The following TBC1D8B variants were observed in gnomAD, a reference collection of about 807,000 sequenced individuals.
TBC1D8B encodes the protein TBC1 domain family member 8B, also known as RP11-321G1.1.
A neutral mutation model predicts 82.9 loss-of-function variants in TBC1D8B; 75 were observed. That is an observed-to-expected ratio of 0.90 (90% CI 0.75 to 1.10). The LOEUF (loss-of-function observed/expected upper bound fraction) is 1.10, where lower values mean the gene tolerates loss of function less well. Ranked by LOEUF, TBC1D8B falls within the 50% of genes least tolerant of loss-of-function variation. The pLI, the probability that TBC1D8B is intolerant of heterozygous loss-of-function variation, is 0.00. For synonymous variants in TBC1D8B, 276 were observed against 276.8 expected (o/e 1.00, Z 0.03); for missense variants, 794 against 796.9 (o/e 1.00, Z 0.04).
chrX:106,853,177 T>C (rs958424704), intron 12 of TBC1D8B, among the ~76,000 whole-genome samples: 51 of 111,370 alleles, frequency 4.6e-4, no homozygotes, highest in Non-Finnish European at 9.4e-4. Context: ...TTTTATTCTC[T>C]TTGAAGCAAT....
At chrX:106,840,012 C>A in intron 8 of TBC1D8B, 36 bp from the exon 9 acceptor site, 1 of 1,148,517 alleles carries the variant, frequency 8.7e-7, no homozygotes. Context: ...TAATTTCTCA[C>A]TAAATTTAGT....
chrX:106,804,258 C>T (rs1296336565), intron 1 of TBC1D8B, among the ~76,000 whole-genome samples: 4 of 111,368 alleles, frequency 3.6e-5, no homozygotes, highest in African/African-American at 9.8e-5. Flanking sequence ...CAATGTATGT[C>T]GTCAAGATGG....
chrX:106,842,658 G>C (rs920815134), intron 10 of TBC1D8B, among the ~76,000 whole-genome samples: 1 of 106,733 alleles, frequency 9.4e-6, no homozygotes, highest in Non-Finnish European at 1.9e-5. Context: ...TATCTATTCT[G>C]TCTCTCTAAT....
intron 14 of TBC1D8B, 106 bp from the exon 15 acceptor site, chrX:106,865,453 A>G: frequency 2.2e-6 from 1 of 463,390 alleles, no homozygotes; most frequent in Non-Finnish European, 3.4e-6. Flanking sequence ...AAGTTAAAAC[A>G]CAAATATTTT....
chrX:106,835,962 A>T, intron 7 of TBC1D8B, among the ~76,000 whole-genome samples: 1 of 111,567 alleles, frequency 9.0e-6, no homozygotes, highest in East Asian at 2.8e-4. Context: ...AGACCTCCAA[A>T]CTGTTCCAAC....
Position 106,822,161 on chromosome X carries a change from C to A in TBC1D8B, c.545C>A (p.Thr182Asn). The A allele has an allele frequency of 8.3e-7, 1 of 1,207,255 alleles. No homozygotes were observed. Among genetic ancestry groups the A allele is most frequent in the Non-Finnish European group, 1.1e-6 (1 of 893,880 alleles). The change falls in exon 4 of 21, where the codon ACC becomes AAC. Residue 182 changes from threonine (T) to asparagine (N), a missense_variant. Physicochemically the swap from Thr to Asn is moderately conservative, Grantham distance 65. Coordinates refer to ENST00000357242, the MANE Select transcript of TBC1D8B (RefSeq NM_017752.3). Reference sequence around the variant, plus strand: ...TGTCAGGGTTGGCTTTATCTTAGCACCAACTTTCTGAGCTTCTATTCTTTT... The same window carrying A: ...TGTCAGGGTTGGCTTTATCTTAGCAACAACTTTCTGAGCTTCTATTCTTTT... The part of the protein sequence containing the change: ...VPCQGWLYLS[T>N]NFLSFYSFLL...
In TBC1D8B at chrX:106,874,121, T is replaced by G; in HGVS notation, c.*156T>G. ...GCACAATGCATCATTCCTTTGTTGT[T>G]GATAATGGGCTTTGTTAGCACTTTT... On this transcript the variant is annotated 3_prime_UTR_variant, in exon 21 of 21. Coordinates refer to ENST00000357242, the MANE Select transcript of TBC1D8B (RefSeq NM_017752.3). 4.4e-6 allele frequency: 2 copies of G among 456,771 alleles called. No individual in the cohort carries two copies. Among genetic ancestry groups the G allele is most frequent in the Non-Finnish European group, 6.7e-6 (2 of 300,100 alleles). The allele number at this position is 456,771 out of a possible 1,213,427, so 37.6% of individuals were successfully genotyped here. A position where few individuals can be genotyped will look rare whatever the true frequency, so the allele number is the denominator to read the frequency against.
chrX:106,866,757 T>A, intron 16 of TBC1D8B, 40 bp from the exon 17 acceptor site: 1 of 945,999 alleles, frequency 1.1e-6, no homozygotes. Context: ...TGAATGTTCT[T>A]TAGATACATG....
chrX:106,835,154 A>T (rs1377662511), intron 7 of TBC1D8B, among the ~76,000 whole-genome samples: 1 of 112,481 alleles, frequency 8.9e-6, no homozygotes, highest in Admixed American at 9.3e-5. Flanking sequence ...AGGCATTTCC[A>T]TACATCCTCT....
intron 1 of TBC1D8B, 31 bp from the exon 2 acceptor site, chrX:106,818,632 C>A: frequency 9.5e-7 from 1 of 1,056,931 alleles, no homozygotes; most frequent in Non-Finnish European, 1.3e-6. Flanking sequence ...CTTGTAAAGT[C>A]CTTATTTCAA....
chrX:106,829,605 A>T (rs1415857439), intron 7 of TBC1D8B: 1 of 105,802 alleles, frequency 9.5e-6, no homozygotes, highest in South Asian at 4.3e-4. Flanking sequence ...GATATAGATC[A>T]ATGGAACAGA....
At position 106,850,145 on chromosome X, in the gene TBC1D8B, T is replaced by A. The variant is rs777279942; in HGVS notation, c.1958T>A (p.Leu653His). 18 of 1,209,994 alleles carry A rather than the reference T, an allele frequency of 1.5e-5. No homozygotes were observed. Among genetic ancestry groups the A allele is most frequent in the African/African-American group, 3.5e-5 (2 of 57,205 alleles). ...GTTTCTCTCTCTTGGTTTCTCACAC[T>A]TTTTATTAGTGTGCTACCTATTGAA... is the stretch of plus-strand genomic sequence containing the variant. ...SSVSLSWFLT[L>H]FISVLPIESA... is the part of the protein sequence containing the mutation. Residue 653 changes from leucine (L) to histidine (H), a missense_variant, in exon 12 of 21, where the codon CTT becomes CAT. Physicochemically the swap from Leu to His is moderately conservative, Grantham distance 99 (BLOSUM62 -3). Coordinates refer to ENST00000357242, the MANE Select transcript of TBC1D8B (RefSeq NM_017752.3).
Position 106,862,794 on chromosome X carries a change from T to G in TBC1D8B, c.2353-2765T>G, listed in dbSNP as rs919137211. Among the ~76,000 whole-genome samples the G allele has an allele frequency of 3.1e-5, 3 of 96,275 alleles. 1 individual carries two copies. The highest frequency in any genetic ancestry group is 6.2e-5 in the Non-Finnish European group (3 of 48,195). 83.6% of individuals were successfully genotyped at this position (96,275 alleles called of 115,157 possible). On this transcript the variant is annotated intron_variant, in intron 14 of 20. Transcript: ENST00000357242. ...TTTTTTTGTTTTTTTTTTTTTTTTTTTTTTTTTTGCTTTTATCTTCTTTGA... is the reference window on the plus strand; with the variant it reads ...TTTTTTTGTTTTTTTTTTTTTTTTTGTTTTTTTTGCTTTTATCTTCTTTGA...
At chrX:106,815,459 A>C (rs1490789606) in intron 1 of TBC1D8B, 1 of 111,493 alleles carries the variant, frequency 9.0e-6, no homozygotes, top group African/African-American at 3.3e-5. Context: ...GCCGTGTAGT[A>C]TAGTTTGAAG....
Position 106,826,195 on chromosome X carries a change from C to T in TBC1D8B, c.993C>T (p.Ser331=), listed in dbSNP as rs963082189. ...CISENYICFA[S]QDGNQCSVII... ...CAGAAAATTATATCTGCTTTGCTAGCCAAGATGGCAATCAGTGTAGTGTAA... is the reference window on the plus strand; with the variant it reads ...CAGAAAATTATATCTGCTTTGCTAGTCAAGATGGCAATCAGTGTAGTGTAA... Residue 331 remains serine, a synonymous_variant, in exon 6 of 21, where the codon AGC becomes AGT. Coordinates refer to ENST00000357242, the MANE Select transcript of TBC1D8B (RefSeq NM_017752.3). 3 of 1,208,682 alleles carry T rather than the reference C, an allele frequency of 2.5e-6. No individual in the cohort carries two copies. Among genetic ancestry groups the T allele is most frequent in the African/African-American group, 3.5e-5 (2 of 57,049 alleles).
chrX:106,852,143 A>T (rs1244133550), intron 12 of TBC1D8B, among the ~76,000 whole-genome samples: 1 of 105,410 alleles, frequency 9.5e-6, no homozygotes, highest in African/African-American at 3.5e-5. Context: ...TGTGGTTTTG[A>T]TTTGCATTTC....
At chrX:106,864,668 G>A (rs906691983) in intron 14 of TBC1D8B, among the ~76,000 whole-genome samples, 12 of 109,667 alleles carry the variant, frequency 1.1e-4, no homozygotes, top group Non-Finnish European at 1.7e-4. Context: ...ATAGGCATAC[G>A]CCACCACACC....
intron 1 of TBC1D8B, among the ~76,000 whole-genome samples, chrX:106,816,748 G>T (rs1199867310): frequency 9.0e-6 from 1 of 110,955 alleles, no homozygotes; most frequent in Non-Finnish European, 1.9e-5. Flanking sequence ...TCTAATTGAT[G>T]CTATGCTGCA....
intron 12 of TBC1D8B, among the ~76,000 whole-genome samples, chrX:106,852,555 C>T (rs1376976651): frequency 9.0e-6 from 1 of 111,684 alleles, no homozygotes; most frequent in African/African-American, 3.3e-5. Flanking sequence ...TTAGGTCTAA[C>T]ATGTAAGTCT....
Sources: allele counts gnomAD v4.1 joint callset (sites outside exome capture counted in the v4.1 genomes callset), GRCh38; gene constraint gnomAD v4.1.1; transcripts MANE v1.5; gene names NCBI Gene and HGNC (gene_info 2026-07-23, HGNC 2026-07-21).